Variants in RYR2 observed in about 807,000 individuals in gnomAD.
RYR2 encodes the protein cardiac muscle ryanodine receptor-calcium release channel.
Under a neutral mutation model 601.1 loss-of-function variants are expected in RYR2, and 227 were observed. The observed-to-expected ratio is 0.38, with a 90% CI of 0.34 to 0.42. The LOEUF is 0.42. Ranked by LOEUF, RYR2 falls within the 10% of genes least tolerant of loss-of-function variation. RYR2 has a pLI of 1.00. For missense variants in RYR2, 4,646 were observed against 6,156.5 expected (o/e 0.75, Z 8.21); for synonymous variants, 2,223 against 2,175.1 (o/e 1.02, Z -0.61).
chr1:237,148,525 A>ATATATATATATAT (rs1288744725), intron 1 of RYR2, among the ~76,000 whole-genome samples: 6 of 81,522 alleles, frequency 7.4e-5, no homozygotes, highest in East Asian at 3.6e-4. Flanking sequence ...TAAAAAAAAA[A>ATATATATATATAT]AAATATATAT....
At chr1:237,191,935 G>A (rs547596297) in intron 1 of RYR2, among the ~76,000 whole-genome samples, 8 of 152,210 alleles carry the variant, frequency 5.3e-5, no homozygotes, top group South Asian at 2.1e-4. Flanking sequence ...GAGAATAAGT[G>A]GGTTTTGTAT....
At chr1:237,770,602 C>T (rs751670524) in intron 84 of RYR2, among the ~76,000 whole-genome samples, 10 of 152,290 alleles carry the variant, frequency 6.6e-5, no homozygotes, top group Non-Finnish European at 1.0e-4. Context: ...AAAATTCAAA[C>T]GTTCTTTTCT....
At chr1:237,438,427 A>G (rs1427320599) in intron 12 of RYR2, among the ~76,000 whole-genome samples, 1 of 152,078 alleles carries the variant, frequency 6.6e-6, no homozygotes, top group Non-Finnish European at 1.5e-5. Context: ...CTGAATTTCA[A>G]GTTTTTTTCT....
intron 82 of RYR2, 132 bp downstream of exon 82, chr1:237,757,908 G>C (rs1326684899): frequency 1.8e-6 from 1 of 558,840 alleles, no homozygotes; most frequent in African/African-American, 1.9e-5. Context: ...CAGTACTGAA[G>C]AGAGAGCAAA....
At chr1:237,795,151 T>C in intron 95 of RYR2, 138 bp from the exon 96 acceptor site, 2 of 477,912 alleles carry the variant, frequency 4.2e-6, no homozygotes, top group Non-Finnish European at 7.6e-6. Flanking sequence ...TATGTGATGT[T>C]AGCCAAATTC....
intron 36 of RYR2, among the ~76,000 whole-genome samples, chr1:237,612,978 A>G (rs921444055): frequency 2.6e-5 from 4 of 152,352 alleles, no homozygotes; most frequent in African/African-American, 9.6e-5. Flanking sequence ...TGGATAGGAA[A>G]ATAAAACTGA....
chr1:237,485,992 T>A (rs1356463606), intron 17 of RYR2, among the ~76,000 whole-genome samples: 1 of 152,092 alleles, frequency 6.6e-6, no homozygotes, highest in Non-Finnish European at 1.5e-5. Flanking sequence ...GAGGATATAG[T>A]AAGAGGCTAT....
At chr1:237,119,792 GT>G (rs2148641025) in intron 1 of RYR2, among the ~76,000 whole-genome samples, 1 of 152,298 alleles carries the variant, frequency 6.6e-6, no homozygotes, top group African/African-American at 2.4e-5. Flanking sequence ...GGATGGGAAG[GT>G]CTTGGTATTG....
chr1:237,326,185 T>G (rs1696154719), intron 2 of RYR2, among the ~76,000 whole-genome samples: 1 of 152,120 alleles, frequency 6.6e-6, no homozygotes, highest in Non-Finnish European at 1.5e-5. Flanking sequence ...AGCCAGATGC[T>G]GCTTTGTGGT....
intron 1 of RYR2, among the ~76,000 whole-genome samples, chr1:237,161,722 A>G (rs1213049851): frequency 6.6e-6 from 1 of 152,184 alleles, no homozygotes; most frequent in Non-Finnish European, 1.5e-5. Flanking sequence ...TCTTTTCCTA[A>G]TGTAAATAAA....
chr1:237,686,591 G>T (rs559971665), intron 62 of RYR2, among the ~76,000 whole-genome samples: 2 of 152,170 alleles, frequency 1.3e-5, no homozygotes, highest in African/African-American at 4.8e-5. Flanking sequence ...GACCTGTGAG[G>T]ATCCCACCCA....
intron 1 of RYR2, among the ~76,000 whole-genome samples, chr1:237,268,021 A>G (rs1689238856): frequency 1.3e-5 from 2 of 152,204 alleles, no homozygotes; most frequent in African/African-American, 4.8e-5. Context: ...TACTTTTGGT[A>G]AAGACGGTGT....
chr1:237,101,880 G>C (rs905528778), intron 1 of RYR2, among the ~76,000 whole-genome samples: 3 of 152,224 alleles, frequency 2.0e-5, no homozygotes, highest in Admixed American at 2.0e-4. Flanking sequence ...TAAGCAAGGT[G>C]GGGGAGGGAG....
In RYR2 at chr1:237,284,253, C is replaced by T. The variant is rs528436342; in HGVS notation, c.168+13637C>T. 8.6e-4 allele frequency among the ~76,000 whole-genome samples: 129 copies of T among 150,396 alleles called. 1 individual carries two copies. The highest frequency in any genetic ancestry group is 2.4e-3 in the African/African-American group (99 of 40,636). On this transcript the variant is annotated intron_variant, in intron 2 of 104. Coordinates refer to ENST00000366574, the MANE Select transcript of RYR2 (RefSeq NM_001035.3). ...CAAATCAGCCGGGCGTGGTCGCGGG[C>T]ACCTGTAATCCCAGCTACTTGGGAG...
Position 237,397,235 on chromosome 1 carries a change from C to CA in RYR2, c.773+9064dup, listed in dbSNP as rs931409932. Among the ~76,000 whole-genome samples, 906 of 107,174 alleles carry CA rather than the reference C, an allele frequency of 8.5e-3. 5 individuals carry two copies. Among genetic ancestry groups the CA allele is most frequent in the African/African-American group, 0.026 (751 of 28,646 alleles). 70.3% of individuals were successfully genotyped at this position (107,174 alleles called of 152,430 possible). Reference sequence around the variant, plus strand: ...CCTGCCTGACAGAGCGAGACTGTTTCAAAAAAAAAAAAGAAAGAAAAGAAA... The same window carrying CA: ...CCTGCCTGACAGAGCGAGACTGTTTCAAAAAAAAAAAAAGAAAGAAAAGAAA... On this transcript the variant is annotated intron_variant, in intron 10 of 104. Coordinates refer to ENST00000366574, the MANE Select transcript of RYR2 (RefSeq NM_001035.3).
intron 34 of RYR2, among the ~76,000 whole-genome samples, chr1:237,599,889 T>G: frequency 6.6e-6 from 1 of 150,972 alleles, no homozygotes; most frequent in East Asian, 1.9e-4. Context: ...CTGCAATCTA[T>G]AAAACATTGG....
intron 1 of RYR2, among the ~76,000 whole-genome samples, chr1:237,250,588 C>T (rs1687355043): frequency 2.6e-5 from 4 of 152,108 alleles, no homozygotes; most frequent in Non-Finnish European, 5.9e-5. Context: ...CCTCAAAGCC[C>T]GTCTTCCCTT....
intron 53 of RYR2, among the ~76,000 whole-genome samples, chr1:237,657,523 C>A (rs1444709455): frequency 6.6e-6 from 1 of 151,662 alleles, no homozygotes; most frequent in Non-Finnish European, 1.5e-5. Context: ...ATAGTTAATA[C>A]CAGTAACATT....
chr1:237,293,798 C>A (rs1692480360), intron 2 of RYR2, among the ~76,000 whole-genome samples: 1 of 152,164 alleles, frequency 6.6e-6, no homozygotes, highest in South Asian at 2.1e-4. Context: ...GTTCAGCAAC[C>A]TAGTTTTAAT....
Sources: allele counts gnomAD v4.1 joint callset (sites outside exome capture counted in the v4.1 genomes callset), GRCh38; gene constraint gnomAD v4.1.1; transcripts MANE v1.5; gene names NCBI Gene and HGNC (gene_info 2026-07-23, HGNC 2026-07-21).